Variants in DIAPH1 observed in about 807,000 individuals in gnomAD.
DIAPH1 encodes the protein diaphanous related formin 1.
Under a neutral mutation model 140.7 loss-of-function variants are expected in DIAPH1, and 46 were observed. The observed-to-expected ratio is 0.33, with a 90% confidence interval of 0.26 to 0.42. The LOEUF is 0.42. DIAPH1 is among the 10% of genes least tolerant of loss of function. The pLI is 1.00. For synonymous variants in DIAPH1, 565 were observed against 551.6 expected (o/e 1.02, Z -0.34); for missense variants, 1,310 against 1,558.7 (o/e 0.84, Z 2.69).
intron 18 of DIAPH1, among the ~76,000 whole-genome samples, chr5:141,542,263 T>C (rs754763081): frequency 2.0e-5 from 3 of 151,744 alleles, no homozygotes; most frequent in Admixed American, 6.6e-5. Flanking sequence ...GAAATGCCAT[T>C]TCTACTAAAA....
chr5:141,519,380 ATGTGTGTG>A (rs373188966), intron 27 of DIAPH1, among the ~76,000 whole-genome samples: 1 of 150,870 alleles, frequency 6.6e-6, no homozygotes, highest in Non-Finnish European at 1.5e-5. Context: ...GACTCTGTGC[ATGTGTGTG>A]TGTGTGTGTA....
intron 1 of DIAPH1, among the ~76,000 whole-genome samples, chr5:141,597,196 A>G (rs968447849): frequency 6.6e-6 from 1 of 152,228 alleles, no homozygotes; most frequent in African/African-American, 2.4e-5. Flanking sequence ...ACAAAAATAG[A>G]TTATTCAAAG....
chr5:141,536,173 G>A (rs139156136), intron 18 of DIAPH1: 130 of 354,862 alleles, frequency 3.7e-4, no homozygotes, highest in African/African-American at 1.5e-3. Context: ...ATGGTGGCGC[G>A]CACCTGTAGT....
Position 141,516,825 on chromosome 5 carries a change from G to T in DIAPH1, c.*26C>A, listed in dbSNP as rs1403302943. 1 of 1,613,224 alleles carries T rather than the reference G, an allele frequency of 6.2e-7. No homozygotes were observed. Among genetic ancestry groups the T allele is most frequent in the Non-Finnish European group, 8.5e-7 (1 of 1,179,960 alleles). On this transcript the variant is annotated 3_prime_UTR_variant, in exon 28 of 28. Coordinates refer to ENST00000389054, the MANE Select transcript of DIAPH1 (RefSeq NM_005219.5). ...CAGGACAGTCTGCGGCTCCGCTGAG[G>T]AGCTGCCGCGGTCACAGGACCCACA...
At chr5:141,590,741 T>TA (rs11387857) in intron 1 of DIAPH1, among the ~76,000 whole-genome samples, 30,082 of 143,402 alleles carry the variant, frequency 0.21, 3,199 homozygotes, top group Admixed American at 0.32. Flanking sequence ...AGCTTAAGTT[T>TA]AAAAAAAAAA....
chr5:141,597,370 C>T (rs1373265267), intron 1 of DIAPH1, among the ~76,000 whole-genome samples: 1 of 152,124 alleles, frequency 6.6e-6, no homozygotes, highest in Non-Finnish European at 1.5e-5. Context: ...CTTTAAAAAT[C>T]TGAAGAAAAA....
intron 1 of DIAPH1, among the ~76,000 whole-genome samples, chr5:141,610,218 G>A (rs1404544787): frequency 1.9e-4 from 29 of 151,822 alleles, no homozygotes; most frequent in Admixed American, 1.5e-3. Flanking sequence ...TGCAACCTCC[G>A]TCTCCTGGGT....
In DIAPH1 at chr5:141,577,490, T is replaced by A. The variant is rs1023086375; in HGVS notation, c.1265A>T (p.Asn422Ile). 6.2e-7 allele frequency: 1 copy of A among 1,612,554 alleles called. No individual in the cohort carries two copies. Among genetic ancestry groups the A allele is most frequent in the Non-Finnish European group, 8.5e-7 (1 of 1,178,604 alleles). The change falls in exon 12 of 28, where the codon AAT (asparagine) becomes ATT (isoleucine). Residue 422 changes from asparagine to isoleucine, a missense_variant. Asn to Ile is a moderately radical substitution (Grantham distance 149). Coordinates refer to ENST00000389054, the MANE Select transcript of DIAPH1 (RefSeq NM_005219.5). Reference sequence around the variant, plus strand: ...AGCATCTTACCTGGCCTCATAGTCATTTCGGACCAAGAGTAAGTGCTGCAG... The same window carrying A: ...AGCATCTTACCTGGCCTCATAGTCAATTCGGACCAAGAGTAAGTGCTGCAG... ...SILQHLLLVR[N>I]DYEARPQYYK...
intron 18 of DIAPH1, among the ~76,000 whole-genome samples, chr5:141,548,397 T>C (rs769068308): frequency 1.3e-4 from 19 of 152,000 alleles, no homozygotes; most frequent in Non-Finnish European, 1.9e-4. Flanking sequence ...GGAGTATTTA[T>C]TCAGGCAGAA....
intron 14 of DIAPH1, among the ~76,000 whole-genome samples, chr5:141,575,835 A>C (rs1329915501): frequency 6.6e-6 from 1 of 152,194 alleles, no homozygotes; most frequent in South Asian, 2.1e-4. Context: ...TAACCACAAT[A>C]AACGTTCTTA....
At chr5:141,564,212 G>A (rs147797187) in intron 18 of DIAPH1, 1 of 152,286 alleles carries the variant, frequency 6.6e-6, no homozygotes, top group Non-Finnish European at 1.5e-5. Context: ...TTTGTAAAAG[G>A]GCAAGCTGTA....
intron 1 of DIAPH1, chr5:141,618,500 G>T: frequency 3.2e-6 from 1 of 309,990 alleles, no homozygotes. Context: ...GTGAGGCTGA[G>T]AGGGGAGAGA....
chr5:141,578,660 T>C (rs1467331679), intron 9 of DIAPH1, 35 bp from the exon 10 acceptor site: 1 of 1,489,988 alleles, frequency 6.7e-7, no homozygotes, highest in Non-Finnish European at 9.4e-7. Flanking sequence ...ATGTCAATGC[T>C]AACTCCTGGA....
chr5:141,528,981 G>A (rs770485327), intron 21 of DIAPH1, 40 bp from the exon 22 acceptor site: 2 of 1,613,558 alleles, frequency 1.2e-6, no homozygotes, highest in Non-Finnish European at 1.7e-6. Flanking sequence ...AGTCAAAAGA[G>A]GGGGAAGTCA....
chr5:141,535,921 A>C (rs1189045677), intron 18 of DIAPH1: 2 of 407,258 alleles, frequency 4.9e-6, no homozygotes, highest in Non-Finnish European at 1.0e-5. Context: ...TGAATTTTAA[A>C]CCACATGAAA....
At chr5:141,534,497 A>G in intron 18 of DIAPH1, 64 bp from the exon 19 acceptor site, 9 of 1,310,966 alleles carry the variant, frequency 6.9e-6, no homozygotes, top group Non-Finnish European at 9.9e-6. Context: ...TTACCAAGCA[A>G]CTACTGTCCA....
intron 24 of DIAPH1, among the ~76,000 whole-genome samples, chr5:141,526,702 G>T (rs959814262): frequency 5.8e-4 from 85 of 146,410 alleles, no homozygotes; most frequent in African/African-American, 9.9e-4. Context: ...TTGTTTGTTT[G>T]TGTTTGTTTG....
intron 1 of DIAPH1, 150 bp downstream of exon 1, chr5:141,618,648 G>A (rs913231571): frequency 3.7e-6 from 2 of 547,046 alleles, no homozygotes; most frequent in South Asian, 2.2e-5. Context: ...GGGAGAGGAT[G>A]TCGGGCTGCA....
chr5:141,600,725 C>T (rs1396126198), intron 1 of DIAPH1, among the ~76,000 whole-genome samples: 6 of 152,098 alleles, frequency 3.9e-5, no homozygotes, highest in Non-Finnish European at 2.9e-5. Flanking sequence ...AAATGTGCTA[C>T]AAGACTTCTT....
Sources: allele counts gnomAD v4.1 joint callset (sites outside exome capture counted in the v4.1 genomes callset), GRCh38; gene constraint gnomAD v4.1.1; transcripts MANE v1.5; gene names NCBI Gene and HGNC (gene_info 2026-07-23, HGNC 2026-07-21).